Variants in JAK2 observed in about 807,000 individuals in gnomAD.
The protein encoded by JAK2 is Janus kinase 2.
JAK2 carries 86 observed loss-of-function variants against 139.3 expected under a neutral mutation model. The ratio of observed to expected loss-of-function variants is 0.62; its 90% CI spans 0.52 to 0.74. The LOEUF is 0.74. Ranked by LOEUF, JAK2 falls within the 30% of genes least tolerant of loss-of-function variation. The probability of loss-of-function intolerance (pLI) is 0.00; values close to 1 mark genes in which losing one functional copy is unlikely to be tolerated. For missense variants in JAK2, 1,421 were observed against 1,360.3 expected (o/e 1.04, Z -0.70); for synonymous variants, 490 against 437.7 (o/e 1.12, Z -1.49).
intron 4 of JAK2, among the ~76,000 whole-genome samples, chr9:5,040,287 A>T (rs1816386349): frequency 6.8e-6 from 1 of 147,724 alleles, no homozygotes; most frequent in East Asian, 1.9e-4. Context: ...ACTTCACACT[A>T]TATACAAAAA....
At chr9:4,989,079 C>T (rs1397915952) in intron 2 of JAK2, among the ~76,000 whole-genome samples, 1 of 152,188 alleles carries the variant, frequency 6.6e-6, no homozygotes, top group African/African-American at 2.4e-5. Flanking sequence ...CTTATTATAG[C>T]ATTCCCTTGC....
intron 2 of JAK2, among the ~76,000 whole-genome samples, chr9:5,018,967 G>C (rs1445658549): frequency 2.0e-5 from 3 of 151,940 alleles, no homozygotes; most frequent in Non-Finnish European, 4.4e-5. Flanking sequence ...ACAAGCTGTT[G>C]TCTCTGACAA....
At chr9:5,009,267 A>T (rs1821527558) in intron 2 of JAK2, among the ~76,000 whole-genome samples, 1 of 152,184 alleles carries the variant, frequency 6.6e-6, no homozygotes, top group Non-Finnish European at 1.5e-5. Flanking sequence ...TAGGAAATGC[A>T]AAAGAGGCAA....
intron 2 of JAK2, among the ~76,000 whole-genome samples, chr9:5,021,077 A>C (rs1459035292): frequency 1.3e-5 from 2 of 152,022 alleles, no homozygotes; most frequent in African/African-American, 4.8e-5. Context: ...TTTGCAGTGA[A>C]AATGTGGGCC....
In JAK2 at chr9:5,102,119, T is replaced by A. The variant is rs146758976; in HGVS notation, c.3059+11208T>A. On this transcript the variant is annotated intron_variant, in intron 22 of 24. Transcript: ENST00000381652. ...AGCTAAAGGAGGATGTTCAAACCCA[T>A]CGCAAGGAAGCTAAAAACCTTGAAA... Among the ~76,000 whole-genome samples, 446 of 152,198 alleles carry A rather than the reference T, an allele frequency of 2.9e-3. 4 individuals are homozygous for A. Among genetic ancestry groups the A allele is most frequent in the African/African-American group, 9.3e-3 (386 of 41,516 alleles).
chr9:5,009,181 G>C (rs1420997528), intron 2 of JAK2, among the ~76,000 whole-genome samples: 1 of 152,204 alleles, frequency 6.6e-6, no homozygotes, highest in African/African-American at 2.4e-5. Flanking sequence ...AGCAAATTGG[G>C]TGGTCCGAGG....
At position 5,049,187 on chromosome 9, in the gene JAK2, G is replaced by A. The variant is rs952933772; in HGVS notation, c.469-1499G>A. On this transcript the variant is annotated intron_variant, in intron 5 of 24. Coordinates refer to ENST00000381652, the MANE Select transcript of JAK2 (RefSeq NM_004972.4). Reference sequence around the variant, plus strand: ...TACACCAGCCTCTTAAAGAGCCTCCGTAAATACACTTTATTTTCTTCAAGC... The same window carrying A: ...TACACCAGCCTCTTAAAGAGCCTCCATAAATACACTTTATTTTCTTCAAGC... Among the ~76,000 whole-genome samples, 8 of 152,138 alleles carry A rather than the reference G, an allele frequency of 5.3e-5. No homozygotes were observed. In the East Asian group the frequency reaches 5.8e-4, roughly 11 times the overall value.
At position 5,080,259 on chromosome 9, in the gene JAK2, C is replaced by G; in HGVS notation, c.2162C>G (p.Pro721Arg). The change falls in exon 17 of 25, where the codon CCT becomes CGT. Residue 721 changes from proline to arginine, a missense_variant. Physicochemically the swap from Pro to Arg is moderately radical, Grantham distance 103 (BLOSUM62 -2). Coordinates refer to ENST00000381652, the MANE Select transcript of JAK2 (RefSeq NM_004972.4). ...ILQERIPWVPPECIENPKNLN... is the reference protein window; with the variant it reads ...ILQERIPWVPRECIENPKNLN... The stretch of plus-strand genomic sequence containing the variant: ...CAGGAGAGAATACCATGGGTACCAC[C>G]TGAATGCATTGAAAATCCTAAAAAT... 6.2e-7 allele frequency: 1 copy of G among 1,613,274 alleles called. No individual in the cohort carries two copies. Among genetic ancestry groups the G allele is most frequent in the Non-Finnish European group, 8.5e-7 (1 of 1,179,366 alleles).
At chr9:5,037,600 C>T (rs963340390) in intron 4 of JAK2, among the ~76,000 whole-genome samples, 27 of 152,042 alleles carry the variant, frequency 1.8e-4, no homozygotes, top group African/African-American at 4.8e-4. Flanking sequence ...AGCAAACTAT[C>T]GCAAGGACAA....
Position 5,044,483 on chromosome 9 carries a change from T to C in JAK2, c.431T>C (p.Leu144Pro), listed in dbSNP as rs1450740068. 6.2e-7 allele frequency: 1 copy of C among 1,611,684 alleles called. No individual in the cohort carries two copies. Among genetic ancestry groups the C allele is most frequent in the East Asian group, 2.2e-5 (1 of 44,800 alleles). The change falls in exon 5 of 25, where the codon CTT becomes CCT. Residue 144 changes from leucine to proline, a missense_variant. By Grantham distance (98) the Leu-to-Pro change is moderately conservative (BLOSUM62 -3). Coordinates refer to ENST00000381652, the MANE Select transcript of JAK2 (RefSeq NM_004972.4). ...ATATCTCGAGGTGCTGAAGCTCCTCTTCTTGATGACTTTGTCATGTCTTAC... is the reference window on the plus strand; with the variant it reads ...ATATCTCGAGGTGCTGAAGCTCCTCCTCTTGATGACTTTGTCATGTCTTAC... ...HGISRGAEAP[L>P]LDDFVMSYLF...
intron 22 of JAK2, chr9:5,114,339 C>G (rs1586825699): frequency 1.9e-6 from 1 of 537,542 alleles, no homozygotes; most frequent in Non-Finnish European, 3.7e-6. Flanking sequence ...TCAGGTCATC[C>G]TAAGGCAAGA....
At chr9:5,122,512 T>C (rs913700318) in intron 22 of JAK2, among the ~76,000 whole-genome samples, 10 of 152,134 alleles carry the variant, frequency 6.6e-5, no homozygotes, top group African/African-American at 2.2e-4. Context: ...CAGTTAACCT[T>C]GGTGCTGTCT....
Position 5,078,301 on chromosome 9 carries a change from A to G in JAK2, c.1993-5A>G, listed in dbSNP as rs978115890. The G allele has an allele frequency of 6.2e-7, 1 of 1,609,528 alleles. No homozygotes were observed. The highest frequency in any genetic ancestry group is 1.7e-5 in the Admixed American group (1 of 59,774). ...TTTGAATATATGTGCGTTTAACTCT[A>G]ATAGGAAGAAAACACCCTTATTCAT... On this transcript the variant is annotated splice_region_variant and splice_polypyrimidine_tract_variant and intron_variant, in intron 15 of 24. Coordinates refer to ENST00000381652, the MANE Select transcript of JAK2 (RefSeq NM_004972.4).
chr9:5,123,673 G>A (rs541193492), intron 23 of JAK2, among the ~76,000 whole-genome samples: 6 of 152,068 alleles, frequency 3.9e-5, no homozygotes, highest in Admixed American at 3.9e-4. Flanking sequence ...ACCCCATAGT[G>A]GGAATGCTGG....
intron 2 of JAK2, among the ~76,000 whole-genome samples, chr9:5,010,120 C>T (rs1821597055): frequency 1.3e-5 from 2 of 152,124 alleles, no homozygotes; most frequent in African/African-American, 4.8e-5. Context: ...TCATTCTAGT[C>T]CTATCTACTT....
chr9:5,119,025 T>G (rs1476693983), intron 22 of JAK2, among the ~76,000 whole-genome samples: 1 of 152,170 alleles, frequency 6.6e-6, no homozygotes, highest in Non-Finnish European at 1.5e-5. Flanking sequence ...TCAGAAAAGT[T>G]TGAAAAAACA....
chr9:5,107,153 C>A (rs1041644876), intron 22 of JAK2, among the ~76,000 whole-genome samples: 1 of 152,098 alleles, frequency 6.6e-6, no homozygotes, highest in African/African-American at 2.4e-5. Flanking sequence ...TGATGAGGAT[C>A]CTACTCTTTT....
At chr9:4,993,251 C>T (rs966605164) in intron 2 of JAK2, among the ~76,000 whole-genome samples, 5 of 152,200 alleles carry the variant, frequency 3.3e-5, no homozygotes, top group East Asian at 1.9e-4. Flanking sequence ...GATAATATTT[C>T]GTCTGAAAGG....
chr9:5,111,503 G>A (rs1222093824), intron 22 of JAK2: 2 of 368,372 alleles, frequency 5.4e-6, no homozygotes, highest in East Asian at 7.0e-5. Context: ...GGATGCCGCC[G>A]CCTATCCATC....
Sources: gnomAD v4.1 joint callset for allele counts (sites outside exome capture counted in the v4.1 genomes callset) on GRCh38, gnomAD v4.1.1 for gene constraint, MANE v1.5 for transcripts, NCBI Gene and HGNC (gene_info 2026-07-23, HGNC 2026-07-21) for gene names.